The following CCDC12 variants were observed in gnomAD, a reference collection of about 807,000 sequenced individuals.
CCDC12 encodes the protein coiled-coil domain containing 12, also known as coiled-coil domain-containing protein 12.
A neutral mutation model predicts 25.7 loss-of-function variants in CCDC12; 28 were observed. The ratio of observed to expected loss-of-function variants is 1.09; its 90% CI spans 0.81 to 1.50. The LOEUF (loss-of-function observed/expected upper bound fraction) is 1.50. Ranked by LOEUF, CCDC12 falls within the 40% of genes most tolerant of loss-of-function variation. The pLI is 0.00. For missense variants in CCDC12, 198 were observed against 210.0 expected (o/e 0.94, Z 0.35); for synonymous variants, 75 against 87.7 (o/e 0.86, Z 0.81).
chr3:46,945,690 G>A (rs932525270), intron 1 of CCDC12, among the ~76,000 whole-genome samples: 2 of 152,198 alleles, frequency 1.3e-5, no homozygotes, highest in African/African-American at 4.8e-5. Context: ...ATTTGTTATA[G>A]GACTGTATAG....
At chr3:46,965,536 G>T (rs1425890631) in intron 1 of CCDC12, among the ~76,000 whole-genome samples, 1 of 152,212 alleles carries the variant, frequency 6.6e-6, no homozygotes, top group Non-Finnish European at 1.5e-5. Flanking sequence ...CCTTCGCCCA[G>T]GCCAGGTGTT....
At chr3:46,938,518 GTTTTTTTTTTTT>G (rs66474878) in intron 2 of CCDC12, among the ~76,000 whole-genome samples, 4 of 91,408 alleles carry the variant, frequency 4.4e-5, no homozygotes, top group East Asian at 7.3e-4. Context: ...TTCCCCTCCT[GTTTTTTTTTTTT>G]TTTTTTTTTT....
intron 2 of CCDC12, among the ~76,000 whole-genome samples, chr3:46,928,004 C>T (rs1290027061): frequency 1.3e-5 from 2 of 152,136 alleles, no homozygotes; most frequent in Non-Finnish European, 2.9e-5. Context: ...CAAGATTTAA[C>T]CTCCCTTATA....
intron 1 of CCDC12, among the ~76,000 whole-genome samples, chr3:46,956,428 C>T (rs2034289337): frequency 6.6e-6 from 1 of 152,200 alleles, no homozygotes; most frequent in Non-Finnish European, 1.5e-5. Flanking sequence ...GAAGAGAAAG[C>T]GGACTGCATG....
chr3:46,950,263 A>T (rs1312835071), intron 1 of CCDC12, among the ~76,000 whole-genome samples: 1 of 152,016 alleles, frequency 6.6e-6, no homozygotes, highest in Non-Finnish European at 1.5e-5. Context: ...GCTGGGAAAC[A>T]GAAGGCCTAT....
At chr3:46,938,516 C>CTGTTTTTT (rs2033548764) in intron 2 of CCDC12, among the ~76,000 whole-genome samples, 1 of 120,162 alleles carries the variant, frequency 8.3e-6, no homozygotes. Context: ...TGTTCCCCTC[C>CTGTTTTTT]TGTTTTTTTT....
chr3:46,964,916 C>A (rs2034594659), intron 1 of CCDC12, among the ~76,000 whole-genome samples: 1 of 151,736 alleles, frequency 6.6e-6, no homozygotes, highest in Admixed American at 6.6e-5. Flanking sequence ...CTGCCATATC[C>A]CCCTCTGCGA....
At chr3:46,934,927 G>A (rs2033384482) in intron 2 of CCDC12, among the ~76,000 whole-genome samples, 1 of 152,244 alleles carries the variant, frequency 6.6e-6, no homozygotes, top group African/African-American at 2.4e-5. Flanking sequence ...TCAAGCTGAT[G>A]TCATGGATCA....
In CCDC12 at chr3:46,925,529, A is replaced by C. The variant is rs747799799; in HGVS notation, c.171T>G (p.Leu57=). ...CCTCCGGGACATAGTTCCGCAGCCT[A>C]AGTTCCCTGCAAGAATAGAGGGAAC... The part of the protein sequence containing the change: ...EEEEGEKHRE[L]RLRNYVPEDE... Residue 57 remains leucine, a synonymous_variant, in exon 3 of 7, where the codon CTT becomes CTG. Coordinates refer to ENST00000683445, the MANE Select transcript of CCDC12 (RefSeq NM_001277074.2). 198 of 1,577,344 alleles carry C rather than the reference A, an allele frequency of 1.3e-4. No homozygotes were observed. The highest frequency in any genetic ancestry group is 1.6e-4 in the Non-Finnish European group (190 of 1,156,400).
intron 1 of CCDC12, among the ~76,000 whole-genome samples, chr3:46,956,037 A>C (rs1449496484): frequency 1.3e-5 from 2 of 152,260 alleles, no homozygotes. Context: ...ATAGGCCCAC[A>C]TTTAAACAGG....
In CCDC12 at chr3:46,976,443, A is replaced by G. The variant is rs536704505; in HGVS notation, c.96+194T>C. ...CCCGCGCATGCGCGACGACCGCACCAGCGCCAGAGGAGTCCCACGCCAAGC... is the reference window on the plus strand; with the variant it reads ...CCCGCGCATGCGCGACGACCGCACCGGCGCCAGAGGAGTCCCACGCCAAGC... On this transcript the variant is annotated intron_variant, in intron 1 of 6. Coordinates refer to ENST00000683445, the MANE Select transcript of CCDC12 (RefSeq NM_001277074.2). 3.5e-6 allele frequency: 5 copies of G among 1,418,184 alleles called. No homozygotes were observed. The African/African-American group carries it at 4.3e-5, about 12-fold the overall frequency. 87.9% of individuals were successfully genotyped at this position (1,418,184 alleles called of 1,614,324 possible).
chr3:46,973,307 C>G (rs1427875259), intron 1 of CCDC12, among the ~76,000 whole-genome samples: 5 of 146,972 alleles, frequency 3.4e-5, no homozygotes. Flanking sequence ...GAGCTGAGAT[C>G]GTGCCATCGC....
chr3:46,975,526 C>CTTT (rs3028814), intron 1 of CCDC12, among the ~76,000 whole-genome samples: 37 of 82,482 alleles, frequency 4.5e-4, no homozygotes, highest in African/African-American at 8.1e-4. Context: ...TAAATCTTTT[C>CTTT]TTTTTTTTTT....
intron 1 of CCDC12, among the ~76,000 whole-genome samples, chr3:46,952,295 T>C (rs2107163841): frequency 6.6e-6 from 1 of 152,292 alleles, no homozygotes; most frequent in South Asian, 2.1e-4. Flanking sequence ...ACCCACGTAT[T>C]CGGTTATCAC....
chr3:46,954,682 C>A (rs971996001), intron 1 of CCDC12, among the ~76,000 whole-genome samples: 4 of 152,130 alleles, frequency 2.6e-5, no homozygotes, highest in African/African-American at 7.2e-5. Context: ...TCCCAGCACT[C>A]TGGGAGGCCG....
chr3:46,979,827 G>T, upstream of CCDC12: 1 of 416,692 alleles, frequency 2.4e-6, no homozygotes, highest in South Asian at 6.6e-5. Flanking sequence ...GGCGGCGACA[G>T]GTGGCGCGCA....
chr3:46,965,680 A>T (rs1369242478), intron 1 of CCDC12, among the ~76,000 whole-genome samples: 1 of 152,076 alleles, frequency 6.6e-6, no homozygotes, highest in Non-Finnish European at 1.5e-5. Flanking sequence ...GCACCCCCAA[A>T]CTTGGCCAGG....
chr3:46,932,871 G>C (rs2033287773), intron 2 of CCDC12, among the ~76,000 whole-genome samples: 1 of 152,380 alleles, frequency 6.6e-6, no homozygotes, highest in South Asian at 2.1e-4. Context: ...CACAGAGGAA[G>C]AGGGTGTCAC....
chr3:46,932,082 G>A lies in CCDC12; in HGVS notation c.165-6547C>T, dbSNP rs895453059. On this transcript the variant is annotated intron_variant, in intron 2 of 6. Transcript: ENST00000683445. ...GGGAGAGGCAACTACCCCAAATGAGGTACACAACTGCTCTAGAGGCTGATC... is the reference window on the plus strand; with the variant it reads ...GGGAGAGGCAACTACCCCAAATGAGATACACAACTGCTCTAGAGGCTGATC... Among the ~76,000 whole-genome samples the A allele has an allele frequency of 1.5e-4, 23 of 152,130 alleles. 1 individual carries two copies. The highest frequency in any genetic ancestry group is 1.4e-3 in the Admixed American group (22 of 15,274).
Sources: allele counts gnomAD v4.1 joint callset (sites outside exome capture counted in the v4.1 genomes callset), GRCh38; gene constraint gnomAD v4.1.1; transcripts MANE v1.5; gene names NCBI Gene and HGNC (gene_info 2026-07-23, HGNC 2026-07-21).